The following KMT2E variants were observed in gnomAD, a reference collection of about 807,000 sequenced individuals.
KMT2E encodes the protein histone reader KMT2E.
In KMT2E, 30 loss-of-function variants were observed where a neutral mutation model predicts 184.6. That is an observed-to-expected ratio of 0.16 (90% CI 0.12 to 0.22). The LOEUF (loss-of-function observed/expected upper bound fraction) is 0.22. Ranked by LOEUF, KMT2E falls within the 10% of genes least tolerant of loss-of-function variation. The pLI, the probability that KMT2E is intolerant of heterozygous loss-of-function variation, is 1.00. For synonymous variants in KMT2E, 815 were observed against 776.5 expected (o/e 1.05, Z -0.82); for missense variants, 2,023 against 2,237.4 (o/e 0.90, Z 1.93).
intron 3 of KMT2E, among the ~76,000 whole-genome samples, chr7:105,044,449 A>C (rs1796014903): frequency 6.6e-6 from 1 of 152,200 alleles, no homozygotes; most frequent in Non-Finnish European, 1.5e-5. Flanking sequence ...AGTTTATTTT[A>C]CAGATATGGG....
chr7:105,107,501 G>T lies in KMT2E; in HGVS notation c.3044G>T (p.Gly1015Val). 1 of 1,614,136 alleles carries T rather than the reference G, an allele frequency of 6.2e-7. No homozygotes were observed. The highest frequency in any genetic ancestry group is 8.5e-7 in the Non-Finnish European group (1 of 1,180,006). The change falls in exon 22 of 27, where the codon GGA (glycine) becomes GTA (valine). Residue 1015 changes from glycine to valine, a missense_variant. Coordinates refer to ENST00000311117, the MANE Select transcript of KMT2E (RefSeq NM_182931.3). ...SRTEVNRQCP[G>V]EKEPVSDLQL... is the part of the protein sequence containing the mutation. ...ACTGAAGTCAACAGGCAGTGTCCTG[G>T]AGAAAAGGAACCTGTGTCAGACCTT...
chr7:105,043,839 C>T (rs895378808), intron 3 of KMT2E, among the ~76,000 whole-genome samples: 3 of 152,150 alleles, frequency 2.0e-5, no homozygotes, highest in African/African-American at 4.8e-5. Flanking sequence ...ACCTGTAATT[C>T]CAGTGCTTTG....
At position 105,107,349 on chromosome 7, in the gene KMT2E, A is replaced by G; in HGVS notation, c.2905-13A>G. ...GATTATTTGTGTAATTTTTTTTTTT[A>G]ATTTGTAAACAGGGATATGACAGAT... On this transcript the variant is annotated splice_polypyrimidine_tract_variant and intron_variant, in intron 21 of 26. Coordinates refer to ENST00000311117, the MANE Select transcript of KMT2E (RefSeq NM_182931.3). The G allele has an allele frequency of 6.5e-7, 1 of 1,537,464 alleles. No individual in the cohort carries two copies. Among genetic ancestry groups the G allele is most frequent in the Non-Finnish European group, 8.7e-7 (1 of 1,143,106 alleles).
chr7:105,075,115 C>T (rs1174839589), intron 8 of KMT2E, among the ~76,000 whole-genome samples: 2 of 151,614 alleles, frequency 1.3e-5, no homozygotes, highest in African/African-American at 4.8e-5. Context: ...GGATTGTATT[C>T]CTTTCACTTG....
Position 105,110,874 on chromosome 7 carries a change from A to G in KMT2E, c.4068+6A>G, listed in dbSNP as rs749641983. On this transcript the variant is annotated splice_donor_region_variant and intron_variant, in intron 26 of 26. Transcript: ENST00000311117. ...GTCCTCCAAAAATGAGCAAGGTAAT[A>G]ACATTGACCTTTCGATGGGTTCCAA... 1 of 1,596,812 alleles carries G rather than the reference A, an allele frequency of 6.3e-7. No individual in the cohort carries two copies. The highest frequency in any genetic ancestry group is 8.6e-7 in the Non-Finnish European group (1 of 1,164,260).
intron 3 of KMT2E, among the ~76,000 whole-genome samples, chr7:105,059,978 G>GTTTTTTTT (rs67291226): frequency 0.01 from 541 of 51,774 alleles, 123 homozygotes; most frequent in Middle Eastern, 0.028. Flanking sequence ...TCTTGTTGTT[G>GTTTTTTTT]TTTTTTTTTT....
intron 3 of KMT2E, among the ~76,000 whole-genome samples, chr7:105,046,875 T>C (rs1796128961): frequency 6.6e-6 from 1 of 152,178 alleles, no homozygotes; most frequent in African/African-American, 2.4e-5. Context: ...ATTTTAAAAG[T>C]TGATGTGTCA....
In KMT2E at chr7:105,107,776, C is replaced by G; in HGVS notation, c.3319C>G (p.Leu1107Val). ...GGFRISESKC[L>V]MQDDTRGMFM... ...CTTCCGAATAAGTGAGTCAAAGTGC[C>G]TGATGCAGGATGATACTAGAGGCAT... The change falls in exon 22 of 27, where the codon CTG (leucine) becomes GTG (valine). Residue 1107 changes from leucine (L) to valine (V), a missense_variant. Coordinates refer to ENST00000311117, the MANE Select transcript of KMT2E (RefSeq NM_182931.3). The G allele has an allele frequency of 6.2e-7, 1 of 1,614,076 alleles. No individual in the cohort carries two copies. The highest frequency in any genetic ancestry group is 8.5e-7 in the Non-Finnish European group (1 of 1,180,022).
intron 3 of KMT2E, among the ~76,000 whole-genome samples, chr7:105,043,259 C>T (rs1179518910): frequency 7.1e-6 from 1 of 141,352 alleles, no homozygotes; most frequent in Non-Finnish European, 1.5e-5. Flanking sequence ...TTTTTTGAGA[C>T]GGAGTCTTGC....
intron 6 of KMT2E, among the ~76,000 whole-genome samples, chr7:105,067,286 G>A (rs2129567498): frequency 6.6e-6 from 1 of 151,774 alleles, no homozygotes; most frequent in South Asian, 2.1e-4. Flanking sequence ...TCTTCTACCT[G>A]ATGGCATCTT....
chr7:105,055,011 A>G (rs1796519989), intron 3 of KMT2E, among the ~76,000 whole-genome samples: 2 of 152,262 alleles, frequency 1.3e-5, no homozygotes, highest in African/African-American at 2.4e-5. Flanking sequence ...TTGGAGAGGT[A>G]GTACTTTTTA....
intron 3 of KMT2E, among the ~76,000 whole-genome samples, chr7:105,052,189 C>T (rs1796379147): frequency 6.6e-6 from 1 of 152,154 alleles, no homozygotes; most frequent in Admixed American, 6.5e-5. Context: ...ACTATTACTT[C>T]CATATTGATT....
Position 105,030,306 on chromosome 7 carries a change from T to G in KMT2E, c.-188-7820T>G, listed in dbSNP as rs77149031. Among the ~76,000 whole-genome samples, 3 of 152,214 alleles carry G rather than the reference T, an allele frequency of 2.0e-5. No individual in the cohort carries two copies. In the East Asian group the frequency reaches 5.8e-4, roughly 29 times the overall value. On this transcript the variant is annotated intron_variant, in intron 1 of 26. Transcript: ENST00000311117. The stretch of plus-strand genomic sequence containing the variant: ...ATATCTTAAAACTATCTAAAAAAAT[T>G]GGGAAGGCTTCAAGGAAGCATTGGT...
At chr7:105,076,132 G>A in intron 9 of KMT2E, 51 bp downstream of exon 9, 7 of 1,254,818 alleles carry the variant, frequency 5.6e-6, no homozygotes, top group Non-Finnish European at 8.2e-6. Context: ...TTATTCAGGA[G>A]CTACATGCTT....
At position 105,063,557 on chromosome 7, in the gene KMT2E, C is replaced by T; in HGVS notation, c.393C>T (p.Tyr131=). 1 of 1,603,084 alleles carries T rather than the reference C, an allele frequency of 6.2e-7. No homozygotes were observed. The highest frequency in any genetic ancestry group is 8.5e-7 in the Non-Finnish European group (1 of 1,173,800). ...CICGFTHDDG[Y]MICCDKCSVW... ...GTGGTTTTACACATGATGATGGATACATGATCTGTTGTGACAAATGCAGGT... is the reference window on the plus strand; with the variant it reads ...GTGGTTTTACACATGATGATGGATATATGATCTGTTGTGACAAATGCAGGT... Residue 131 remains tyrosine, a synonymous_variant, in exon 5 of 27, where the codon TAC becomes TAT. Transcript: ENST00000311117.
In KMT2E at chr7:105,075,930, C is replaced by T. The variant is rs995950352; in HGVS notation, c.730-113C>T. On this transcript the variant is annotated intron_variant, in intron 8 of 26. Coordinates refer to ENST00000311117, the MANE Select transcript of KMT2E (RefSeq NM_182931.3). ...TCCTAGTGTCAGCTTTCTTGGTTAC[C>T]AAATTTTTTGTTATGACACTTCAGT... 5.2e-6 allele frequency: 4 copies of T among 767,694 alleles called. No individual in the cohort carries two copies. The South Asian group carries it at 6.5e-5, about 13-fold the overall frequency. 47.6% of individuals were successfully genotyped at this position (767,694 alleles called of 1,614,324 possible).
chr7:105,092,334 G>A lies in KMT2E; in HGVS notation c.1722+1020G>A, dbSNP rs576024859. 3.1e-4 allele frequency among the ~76,000 whole-genome samples: 47 copies of A among 152,232 alleles called. No individual in the cohort carries two copies. In the South Asian group the frequency reaches 9.3e-3, roughly 30 times the overall value. On this transcript the variant is annotated intron_variant, in intron 15 of 26. Transcript: ENST00000311117. ...GAAGAATTGCTTGAACCTGGGAGGTGGAGGTTGCAGTGAGCTGAGATCATG... is the reference window on the plus strand; with the variant it reads ...GAAGAATTGCTTGAACCTGGGAGGTAGAGGTTGCAGTGAGCTGAGATCATG...
At chr7:105,047,659 T>A (rs1240407956) in intron 3 of KMT2E, among the ~76,000 whole-genome samples, 1 of 152,202 alleles carries the variant, frequency 6.6e-6, no homozygotes. Context: ...GAAAACAAAG[T>A]TTCAGAAGGG....
rs34102092 is a variant in KMT2E at position 105,107,960 on chromosome 7, G to GTTTT, written c.3468+47_3468+50dup. 530 of 1,170,392 alleles carry GTTTT rather than the reference G, an allele frequency of 4.5e-4. 1 individual carries two copies. The highest frequency in any genetic ancestry group is 6.4e-4 in the Admixed American group (21 of 32,786). 72.5% of individuals were successfully genotyped at this position (1,170,392 alleles called of 1,614,324 possible). A position where few individuals can be genotyped will look rare whatever the true frequency, so the allele number is the denominator to read the frequency against. On this transcript the variant is annotated intron_variant, in intron 22 of 26. Transcript: ENST00000311117. ...TTAACAATTTATAGTCCTTTTAATA[G>GTTTT]TTTTTTTTTTTTTTTCATAATACTA... is the stretch of plus-strand genomic sequence containing the variant.
Sources: allele counts gnomAD v4.1 joint callset (sites outside exome capture counted in the v4.1 genomes callset), GRCh38; gene constraint gnomAD v4.1.1; transcripts MANE v1.5; gene names NCBI Gene and HGNC (gene_info 2026-07-23, HGNC 2026-07-21).